The following CDH13 variants were observed in gnomAD, a reference collection of about 807,000 sequenced individuals.
CDH13 encodes the protein cadherin-13.
CDH13 carries 24 observed loss-of-function variants against 63.8 expected under a neutral mutation model. The observed-to-expected ratio is 0.38, with a 90% CI of 0.27 to 0.53. CDH13 has a LOEUF of 0.53. CDH13 is among the 20% of genes least tolerant of loss of function. CDH13 has a pLI of 0.85. For missense variants in CDH13, 1,049 were observed against 903.1 expected, an observed-to-expected ratio of 1.16 and a Z score of -2.07; for synonymous variants, 503 against 355.3, an observed-to-expected ratio of 1.42 and a Z score of -4.67.
intron 2 of CDH13, among the ~76,000 whole-genome samples, chr16:82,958,043 C>A (rs761415633): frequency 3.9e-5 from 6 of 152,146 alleles, no homozygotes; most frequent in Non-Finnish European, 8.8e-5. Context: ...GGGTGAGGCA[C>A]CACAGCTCTG....
At chr16:83,255,299 C>T (rs903801673) in intron 5 of CDH13, among the ~76,000 whole-genome samples, 2 of 152,138 alleles carry the variant, frequency 1.3e-5, no homozygotes, top group South Asian at 4.1e-4. Context: ...CCCAAACTGC[C>T]GGGCCTCCTG....
At chr16:82,772,032 C>A (rs1468793791) in intron 1 of CDH13, among the ~76,000 whole-genome samples, 1 of 152,230 alleles carries the variant, frequency 6.6e-6, no homozygotes, top group Non-Finnish European at 1.5e-5. Context: ...ACAGACAAAG[C>A]AGATCCACTA....
intron 1 of CDH13, chr16:82,823,438 A>T (rs1424657917): frequency 6.6e-6 from 1 of 152,224 alleles, no homozygotes; most frequent in African/African-American, 2.4e-5. Flanking sequence ...AAGTTGTTTC[A>T]TGAATTTGAA....
At chr16:83,623,100 AG>A (rs1206216848) in intron 8 of CDH13, among the ~76,000 whole-genome samples, 1 of 152,148 alleles carries the variant, frequency 6.6e-6, no homozygotes, top group Non-Finnish European at 1.5e-5. Flanking sequence ...TAGAGTAAGA[AG>A]GGGTGGTACA....
chr16:83,739,591 A>C (rs920036924), intron 10 of CDH13, among the ~76,000 whole-genome samples: 1 of 151,976 alleles, frequency 6.6e-6, no homozygotes, highest in Non-Finnish European at 1.5e-5. Context: ...CCCCTTTGAC[A>C]GCATGTATCA....
chr16:82,650,273 G>A (rs1326365554), intron 1 of CDH13, among the ~76,000 whole-genome samples: 1 of 152,188 alleles, frequency 6.6e-6, no homozygotes, highest in Non-Finnish European at 1.5e-5. Context: ...ATAAACAGAG[G>A]CTGTTCAATA....
intron 5 of CDH13, among the ~76,000 whole-genome samples, chr16:83,224,000 C>T (rs546434825): frequency 1.5e-4 from 23 of 152,280 alleles, no homozygotes; most frequent in African/African-American, 5.3e-4. Context: ...CACTCTTCCC[C>T]CTTGCCAAGT....
intron 6 of CDH13, among the ~76,000 whole-genome samples, chr16:83,428,618 A>G (rs2151480079): frequency 6.6e-6 from 1 of 152,322 alleles, no homozygotes; most frequent in Admixed American, 6.5e-5. Flanking sequence ...CTTGGCATGT[A>G]GAGAGGATGA....
chr16:83,425,695 C>T (rs936486502), intron 6 of CDH13, among the ~76,000 whole-genome samples: 2 of 152,224 alleles, frequency 1.3e-5, no homozygotes, highest in African/African-American at 4.8e-5. Flanking sequence ...AAACTTGACT[C>T]TTTCTTCAAC....
At chr16:83,102,791 A>G (rs2034547391) in intron 3 of CDH13, among the ~76,000 whole-genome samples, 2 of 152,030 alleles carry the variant, frequency 1.3e-5, no homozygotes, top group Non-Finnish European at 2.9e-5. Flanking sequence ...AGGGTAAGAA[A>G]TAGTTATATT....
chr16:82,863,562 T>C (rs779518620), intron 2 of CDH13, among the ~76,000 whole-genome samples: 12 of 152,220 alleles, frequency 7.9e-5, no homozygotes, highest in Non-Finnish European at 1.8e-4. Flanking sequence ...CAAAAGAAGA[T>C]TAATGGTAGT....
intron 2 of CDH13, among the ~76,000 whole-genome samples, chr16:82,957,659 G>A (rs1459863266): frequency 6.6e-6 from 1 of 152,080 alleles, no homozygotes; most frequent in Non-Finnish European, 1.5e-5. Flanking sequence ...AGAAAGGTCT[G>A]GATGCATAAT....
chr16:83,523,593 T>C (rs1016576846), intron 7 of CDH13, among the ~76,000 whole-genome samples: 2 of 152,168 alleles, frequency 1.3e-5, no homozygotes, highest in Admixed American at 6.5e-5. Flanking sequence ...CCATTTCCCA[T>C]TCCTGAGTTG....
At chr16:83,163,400 CATAAA>C (rs1001897558) in intron 4 of CDH13, among the ~76,000 whole-genome samples, 1 of 152,032 alleles carries the variant, frequency 6.6e-6, no homozygotes, top group Non-Finnish European at 1.5e-5. Context: ...CCCCAGGTAA[CATAAA>C]ATAAAAATAA....
At chr16:83,452,510 C>G (rs917971054) in intron 6 of CDH13, among the ~76,000 whole-genome samples, 2 of 151,718 alleles carry the variant, frequency 1.3e-5, no homozygotes, top group African/African-American at 4.8e-5. Context: ...TCACGTGGCT[C>G]CTCACTTTCT....
intron 1 of CDH13, among the ~76,000 whole-genome samples, chr16:82,725,000 T>C (rs2033010992): frequency 6.6e-6 from 1 of 152,236 alleles, no homozygotes; most frequent in African/African-American, 2.4e-5. Flanking sequence ...TTAACTGAGA[T>C]AATACATTTT....
intron 1 of CDH13, among the ~76,000 whole-genome samples, chr16:82,792,855 A>G (rs1303807191): frequency 6.6e-6 from 1 of 152,228 alleles, no homozygotes; most frequent in African/African-American, 2.4e-5. Flanking sequence ...ACAAAGTGCC[A>G]AGCGCTAATT....
At chr16:83,766,936 C>G (rs748274484) in intron 11 of CDH13, among the ~76,000 whole-genome samples, 2 of 152,148 alleles carry the variant, frequency 1.3e-5, no homozygotes, top group Non-Finnish European at 2.9e-5. Context: ...AAGAAGATGC[C>G]TGCTTCTCCT....
chr16:82,829,156 A>C (rs576915915), intron 1 of CDH13: 1 of 152,268 alleles, frequency 6.6e-6, no homozygotes, highest in Non-Finnish European at 1.5e-5. Context: ...CTGGGTTGGC[A>C]ATATATATAC....
Sources: gnomAD v4.1 joint callset for allele counts (sites outside exome capture counted in the v4.1 genomes callset) on GRCh38, gnomAD v4.1.1 for gene constraint, MANE v1.5 for transcripts, NCBI Gene and HGNC (gene_info 2026-07-23, HGNC 2026-07-21) for gene names.